Variants in THADA observed in about 807,000 individuals in gnomAD.
THADA encodes tRNA (32-2'-O)-methyltransferase regulator THADA.
In THADA, 213 loss-of-function variants were observed where a neutral mutation model predicts 219.8. The observed-to-expected ratio is 0.97, with a 90% CI of 0.87 to 1.09. The LOEUF (loss-of-function observed/expected upper bound fraction) is 1.09. Ranked by LOEUF, THADA falls within the 50% of genes least tolerant of loss-of-function variation. The pLI is 0.00. For synonymous variants in THADA, 1,018 were observed against 828.9 expected, an observed-to-expected ratio of 1.23 and a Z score of -3.92; for missense variants, 2,956 against 2,311.3, an observed-to-expected ratio of 1.28 and a Z score of -5.72.
intron 7 of THADA, 140 bp downstream of exon 7, chr2:43,586,261 T>C (rs575358170): frequency 1.3e-5 from 9 of 719,406 alleles, no homozygotes; most frequent in Middle Eastern, 7.9e-4. Context: ...CAAGACCCCA[T>C]CTCAAAAAAA....
intron 8 of THADA, among the ~76,000 whole-genome samples, chr2:43,580,173 C>T (rs139441223): frequency 0.019 from 2,858 of 150,652 alleles, 100 homozygotes; most frequent in African/African-American, 0.067. Context: ...TACAGGTGCA[C>T]GCCACCACGC....
intron 21 of THADA, among the ~76,000 whole-genome samples, chr2:43,536,049 G>A (rs373978866): frequency 5.9e-5 from 9 of 152,104 alleles, no homozygotes; most frequent in South Asian, 2.1e-4. Flanking sequence ...TGATCCGCCC[G>A]CCTCAGCCTC....
chr2:43,471,362 C>CA (rs1278122145), intron 26 of THADA, among the ~76,000 whole-genome samples: 2 of 151,950 alleles, frequency 1.3e-5, no homozygotes, highest in African/African-American at 2.4e-5. Context: ...TCTCTCTCTA[C>CA]AAAAAATTAT....
At chr2:43,392,674 T>C (rs1277239664) in intron 29 of THADA, among the ~76,000 whole-genome samples, 1 of 152,058 alleles carries the variant, frequency 6.6e-6, no homozygotes, top group Non-Finnish European at 1.5e-5. Flanking sequence ...ACACAGAATC[T>C]ATTGGGGTGC....
chr2:43,266,833 G>GAGGAC (rs773891924), intron 36 of THADA, among the ~76,000 whole-genome samples: 10 of 152,186 alleles, frequency 6.6e-5, no homozygotes, highest in African/African-American at 1.2e-4. Flanking sequence ...CTGGCACAAG[G>GAGGAC]AGGACATGCC....
At position 43,344,239 on chromosome 2, in the gene THADA, T is replaced by C; in HGVS notation, c.4228-2A>G. On this transcript the variant is annotated splice_acceptor_variant, in intron 29 of 37. Coordinates refer to ENST00000405975, the MANE Select transcript of THADA (RefSeq NM_022065.5). LOFTEE classifies it high-confidence loss of function. The stretch of plus-strand genomic sequence containing the variant: ...GTAGGCTTGCAACAAATGAAAAACC[T>C]AAACCAAAAAAGAAAAAAAAATCCT... 6.3e-7 allele frequency: 1 copy of C among 1,587,700 alleles called. No homozygotes were observed. The highest frequency in any genetic ancestry group is 8.6e-7 in the Non-Finnish European group (1 of 1,167,280).
chr2:43,304,672 C>CGTTTTTTT (rs1558551224), intron 31 of THADA, among the ~76,000 whole-genome samples: 1 of 139,650 alleles, frequency 7.2e-6, no homozygotes, highest in African/African-American at 3.0e-5. Flanking sequence ...GAGCAGACTT[C>CGTTTTTTT]ATTTTTTTTT....
intron 22 of THADA, among the ~76,000 whole-genome samples, chr2:43,509,857 A>G (rs962694677): frequency 2.6e-5 from 4 of 152,316 alleles, no homozygotes; most frequent in Middle Eastern, 3.4e-3. Flanking sequence ...TACTACTAGC[A>G]GGCTCTGTGA....
intron 28 of THADA, among the ~76,000 whole-genome samples, chr2:43,424,217 C>G (rs916156052): frequency 1.3e-5 from 2 of 152,150 alleles, no homozygotes; most frequent in African/African-American, 4.8e-5. Context: ...AAATACCTTA[C>G]AGAGAGGAAG....
chr2:43,542,889 T>C (rs923341721), intron 20 of THADA, among the ~76,000 whole-genome samples: 14 of 152,280 alleles, frequency 9.2e-5, no homozygotes, highest in Admixed American at 7.8e-4. Context: ...TATTATACTT[T>C]AAGTTTTAGG....
At chr2:43,372,761 A>G (rs1670951100) in intron 29 of THADA, among the ~76,000 whole-genome samples, 1 of 152,156 alleles carries the variant, frequency 6.6e-6, no homozygotes, top group South Asian at 2.1e-4. Context: ...GTATTTATTT[A>G]TTTTTTGAGA....
intron 35 of THADA, among the ~76,000 whole-genome samples, chr2:43,284,335 T>C (rs1673728137): frequency 6.6e-6 from 1 of 152,184 alleles, no homozygotes. Context: ...CCAGCTGCTC[T>C]GTGCAGCCTC....
At chr2:43,372,923 T>TG (rs1175696811) in intron 29 of THADA, among the ~76,000 whole-genome samples, 2 of 152,122 alleles carry the variant, frequency 1.3e-5, no homozygotes, top group African/African-American at 2.4e-5. Context: ...AGGCTGCTCT[T>TG]GGACTCCTGG....
At chr2:43,391,324 T>G (rs1377419572) in intron 29 of THADA, among the ~76,000 whole-genome samples, 9 of 152,078 alleles carry the variant, frequency 5.9e-5, no homozygotes, top group African/African-American at 2.2e-4. Flanking sequence ...ATACTCTGAG[T>G]TCTGAGCACT....
At chr2:43,308,795 C>T (rs865908938) in intron 31 of THADA, among the ~76,000 whole-genome samples, 1 of 141,490 alleles carries the variant, frequency 7.1e-6, no homozygotes, top group Non-Finnish European at 1.5e-5. Flanking sequence ...GAATGCCAAC[C>T]ATATCTCATG....
chr2:43,352,264 A>G (rs1319158040), intron 29 of THADA, among the ~76,000 whole-genome samples: 2 of 152,236 alleles, frequency 1.3e-5, no homozygotes, highest in African/African-American at 4.8e-5. Flanking sequence ...AAAACTTACT[A>G]ATGAAAAATA....
chr2:43,432,138 G>C (rs1288815135), intron 26 of THADA, among the ~76,000 whole-genome samples: 1 of 111,832 alleles, frequency 8.9e-6, no homozygotes, highest in African/African-American at 4.8e-5. Flanking sequence ...TTACAGGCGT[G>C]AGCCACCGCG....
chr2:43,523,734 A>T (rs1329489925), intron 22 of THADA, among the ~76,000 whole-genome samples: 11 of 152,334 alleles, frequency 7.2e-5, no homozygotes, highest in Middle Eastern at 6.8e-3. Context: ...TTTCAGGCCA[A>T]TAATGTGAAA....
intron 29 of THADA, among the ~76,000 whole-genome samples, chr2:43,355,756 TC>T (rs572558703): frequency 3.3e-5 from 5 of 152,148 alleles, no homozygotes; most frequent in Non-Finnish European, 7.3e-5. Context: ...ACTATCCCTT[TC>T]CCACTGCAGA....
Sources: allele counts gnomAD v4.1 joint callset (sites outside exome capture counted in the v4.1 genomes callset), GRCh38; gene constraint gnomAD v4.1.1; transcripts MANE v1.5; gene names NCBI Gene and HGNC (gene_info 2026-07-23, HGNC 2026-07-21).